Variants in PTGR2 observed in about 807,000 individuals in gnomAD.
PTGR2 encodes 15-oxoprostaglandin 13-reductase.
In PTGR2, 32 loss-of-function variants were observed where a neutral mutation model predicts 43.4. The observed-to-expected ratio is 0.74, with a 90% CI of 0.56 to 0.99. The LOEUF (loss-of-function observed/expected upper bound fraction) is 0.99, where lower values mean the gene tolerates loss of function less well. Ranked by LOEUF, PTGR2 falls within the 50% of genes least tolerant of loss-of-function variation. The pLI is 0.00. For missense variants in PTGR2, 373 were observed against 420.0 expected (o/e 0.89, Z 0.98); for synonymous variants, 106 against 139.2 (o/e 0.76, Z 1.68).
intron 3 of PTGR2, among the ~76,000 whole-genome samples, chr14:73,872,915 T>G (rs2054770134): frequency 6.6e-6 from 1 of 151,476 alleles, no homozygotes; most frequent in Non-Finnish European, 1.5e-5. Context: ...AAGTGGAGGT[T>G]GCACTGAGCC....
intron 4 of PTGR2, 33 bp from the exon 5 acceptor site, chr14:73,876,965 T>A: frequency 6.5e-7 from 1 of 1,535,528 alleles, no homozygotes; most frequent in Non-Finnish European, 8.9e-7. Flanking sequence ...CAGGAATTCC[T>A]AGTATTTTTA....
At chr14:73,861,368 T>C (rs1664754270) in intron 3 of PTGR2, 3 of 152,340 alleles carry the variant, frequency 2.0e-5, no homozygotes, top group East Asian at 3.9e-4. Context: ...CCAGAGGTCA[T>C]ACAGTCTTTT....
chr14:73,871,818 T>C (rs1014197006), intron 3 of PTGR2, among the ~76,000 whole-genome samples: 1 of 152,154 alleles, frequency 6.6e-6, no homozygotes, highest in Non-Finnish European at 1.5e-5. Flanking sequence ...TAGATTTTTT[T>C]CCTATATCTC....
At chr14:73,872,169 T>C (rs2054750578) in intron 3 of PTGR2, among the ~76,000 whole-genome samples, 1 of 152,188 alleles carries the variant, frequency 6.6e-6, no homozygotes, top group Non-Finnish European at 1.5e-5. Context: ...TTGTTAGCCT[T>C]CCTCTTGAGA....
intron 1 of PTGR2, among the ~76,000 whole-genome samples, chr14:73,854,352 T>A (rs1433991771): frequency 1.3e-5 from 2 of 152,154 alleles, no homozygotes; most frequent in Non-Finnish European, 2.9e-5. Context: ...TCCACCTGCC[T>A]CAGCCTCCCA....
At chr14:73,879,498 A>G (rs2054934713) in intron 6 of PTGR2, 193 bp downstream of exon 6, 2 of 528,054 alleles carry the variant, frequency 3.8e-6, no homozygotes, top group South Asian at 2.7e-5. Flanking sequence ...GATTTGTACT[A>G]TGAACTTCAA....
At chr14:73,855,784 G>A (rs1333506720) in intron 1 of PTGR2, among the ~76,000 whole-genome samples, 2 of 150,468 alleles carry the variant, frequency 1.3e-5, no homozygotes, top group Non-Finnish European at 3.0e-5. Context: ...GGGGCCGGGC[G>A]CGGTGGCTCA....
rs754127732 is a variant in PTGR2 at position 73,884,866 on chromosome 14, T to G, written c.*689T>G. On this transcript the variant is annotated 3_prime_UTR_variant, in exon 10 of 10. Coordinates refer to ENST00000555661, the MANE Select transcript of PTGR2 (RefSeq NM_001146154.2). ...TCATCTCTTTGTATTTGCCAAATAA[T>G]TTACTGTATAGCCTAAAAACTCCAT... The G allele has an allele frequency of 6.6e-6, 1 of 152,188 alleles. No homozygotes were observed. The highest frequency in any genetic ancestry group is 1.5e-5 in the Non-Finnish European group (1 of 68,042). 9.4% of individuals were successfully genotyped at this position (152,188 alleles called of 1,614,324 possible).
In PTGR2 at chr14:73,882,801, T is replaced by C. The variant is rs915172141; in HGVS notation, c.979+363T>C. Among the ~76,000 whole-genome samples the C allele has an allele frequency of 1.2e-3, 8 of 6,698 alleles. No individual in the cohort carries two copies. In the East Asian group the frequency reaches 0.023, roughly 19 times the overall value. The allele number at this position is 6,698 out of a possible 152,430, so 4.4% of individuals were successfully genotyped here. On this transcript the variant is annotated intron_variant, in intron 9 of 9. Transcript: ENST00000555661. ...AAGCGTGAGCCACCACGCCTGGCCC[T>C]TTTTTTTTTTTTTTTTTTTTTTTTT...
intron 4 of PTGR2, among the ~76,000 whole-genome samples, chr14:73,875,208 G>A (rs374667269): frequency 6.6e-6 from 1 of 152,082 alleles, no homozygotes; most frequent in African/African-American, 2.4e-5. Context: ...ATGTTGCCCA[G>A]GCTGGTCTTG....
chr14:73,867,407 G>C lies in PTGR2; in HGVS notation c.157-6616G>C, dbSNP rs190150670. ...GTATCCTGTTGGTTCTGTTTCTCTG[G>C]AGAATTCTGATGAAAACAATATCCT... is the stretch of plus-strand genomic sequence containing the variant. On this transcript the variant is annotated intron_variant, in intron 3 of 9. Coordinates refer to ENST00000555661, the MANE Select transcript of PTGR2 (RefSeq NM_001146154.2). Among the ~76,000 whole-genome samples, 51 of 152,028 alleles carry C rather than the reference G, an allele frequency of 3.4e-4. 1 individual carries two copies. The East Asian group carries it at 4.3e-3, about 13-fold the overall frequency.
At position 73,858,838 on chromosome 14, in the gene PTGR2, G is replaced by A; in HGVS notation, c.-25G>A. The A allele has an allele frequency of 6.2e-7, 1 of 1,603,318 alleles. No individual in the cohort carries two copies. Among genetic ancestry groups the A allele is most frequent in the Non-Finnish European group, 8.5e-7 (1 of 1,173,288 alleles). On this transcript the variant is annotated 5_prime_UTR_variant, in exon 2 of 10. It adds an upstream start codon to the 5' untranslated region. Transcript: ENST00000555661. ...TAGGAGTATTTTATACAGAAATCTT[G>A]TGAAACCACTGCCCAACCAGAGCAA...
intron 1 of PTGR2, among the ~76,000 whole-genome samples, chr14:73,854,805 C>A (rs544158792): frequency 8.5e-4 from 129 of 152,150 alleles, no homozygotes; most frequent in Non-Finnish European, 1.7e-3. Context: ...CATATGTAGC[C>A]CTACATGACA....
intron 7 of PTGR2, among the ~76,000 whole-genome samples, chr14:73,880,858 G>A (rs1180012585): frequency 6.6e-6 from 1 of 152,078 alleles, no homozygotes; most frequent in Non-Finnish European, 1.5e-5. Context: ...GTAAAGTGGC[G>A]CGATCGCAGC....
In PTGR2 at chr14:73,874,121, C is replaced by T; in HGVS notation, c.255C>T (p.Ser85=). Residue 85 remains serine (S), a synonymous_variant, in exon 4 of 10, where the codon AGC becomes AGT. Coordinates refer to ENST00000555661, the MANE Select transcript of PTGR2 (RefSeq NM_001146154.2). The part of the protein sequence containing the change: ...DGGGIGIIEE[S]KHTNLTKGDF... ...GAGGTATTGGAATTATAGAAGAAAG[C>T]AAACACACAAATTTGACTAAAGGCG... The T allele has an allele frequency of 6.2e-7, 1 of 1,613,856 alleles. No individual in the cohort carries two copies. Among genetic ancestry groups the T allele is most frequent in the Non-Finnish European group, 8.5e-7 (1 of 1,179,890 alleles).
chr14:73,871,720 C>T (rs547148646), intron 3 of PTGR2, among the ~76,000 whole-genome samples: 47 of 152,286 alleles, frequency 3.1e-4, no homozygotes, highest in African/African-American at 1.1e-3. Context: ...TTGATGTCCT[C>T]TGCAGAATTG....
At chr14:73,855,092 T>C (rs1460636255) in intron 1 of PTGR2, among the ~76,000 whole-genome samples, 2 of 152,224 alleles carry the variant, frequency 1.3e-5, no homozygotes, top group African/African-American at 4.8e-5. Context: ...ACTCAAACTG[T>C]AGTATGTGGA....
chr14:73,877,625 T>TTA (rs2140271064), intron 5 of PTGR2: 1 of 152,946 alleles, frequency 6.5e-6, no homozygotes, highest in African/African-American at 2.4e-5. Context: ...TTTTTTTTTT[T>TTA]ACCTACTTAG....
chr14:73,865,180 T>G (rs1316975050), intron 3 of PTGR2, among the ~76,000 whole-genome samples: 3 of 152,120 alleles, frequency 2.0e-5, no homozygotes, highest in Non-Finnish European at 4.4e-5. Context: ...GAGAAGCTGG[T>G]AGCATGGCTC....
Sources: gnomAD v4.1 joint callset for allele counts (sites outside exome capture counted in the v4.1 genomes callset) on GRCh38, gnomAD v4.1.1 for gene constraint, MANE v1.5 for transcripts, NCBI Gene and HGNC (gene_info 2026-07-23, HGNC 2026-07-21) for gene names.